The following DSC2 variants were observed in gnomAD, a reference collection of about 807,000 sequenced individuals.
The protein encoded by DSC2 is desmocollin-2.
In DSC2, 51 loss-of-function variants were observed where a neutral mutation model predicts 87.6. The observed-to-expected ratio is 0.58, with a 90% confidence interval of 0.46 to 0.74. The LOEUF is 0.74. Among genes scored for constraint, DSC2 ranks in the 30% least tolerant of loss-of-function variants. The pLI, the probability that DSC2 is intolerant of heterozygous loss-of-function variation, is 0.00. For synonymous variants in DSC2, 383 were observed against 393.2 expected (o/e 0.97, Z 0.31); for missense variants, 1,066 against 1,089.5 (o/e 0.98, Z 0.30).
rs1246739962 is a variant in DSC2, at chr18:31,065,187, A to G, written c.*2828T>C. On this transcript the variant is annotated 3_prime_UTR_variant, in exon 16 of 16. Coordinates refer to ENST00000280904, the MANE Select transcript of DSC2 (RefSeq NM_024422.6). Reference sequence around the variant, plus strand: ...ACAAATGAGAGACCTGGAAGCTACTATGAGCCATGAAATTCCCAAAGGCCA... The same window carrying G: ...ACAAATGAGAGACCTGGAAGCTACTGTGAGCCATGAAATTCCCAAAGGCCA... 4 of 152,244 alleles carry G rather than the reference A, an allele frequency of 2.6e-5. No homozygotes were observed. The highest frequency in any genetic ancestry group is 2.1e-4 in the South Asian group (1 of 4,834). The allele number at this position is 152,244 out of a possible 1,614,324, so 9.4% of individuals were successfully genotyped here.
chr18:31,090,687 C>T (rs943663287), intron 4 of DSC2, among the ~76,000 whole-genome samples: 3 of 152,178 alleles, frequency 2.0e-5, no homozygotes, highest in Non-Finnish European at 4.4e-5. Flanking sequence ...CTTCCTCCTT[C>T]GTGGCATTTG....
At position 31,082,397 on chromosome 18, in the gene DSC2, T is replaced by G; in HGVS notation, c.1104A>C (p.Thr368=). ...TSYVTSVEEN[T]VDVEILRVTV... ...TAACTCGTAAGATTTCCACATCAAC[T>G]GTATTTTCTTCCACTGATGTCACAT... is the stretch of plus-strand genomic sequence containing the variant. The change falls in exon 9 of 16, where the codon ACA becomes ACC. Residue 368 remains threonine (T), a synonymous_variant. Coordinates refer to ENST00000280904, the MANE Select transcript of DSC2 (RefSeq NM_024422.6). 1 of 1,613,656 alleles carries G rather than the reference T, an allele frequency of 6.2e-7. No homozygotes were observed. Among genetic ancestry groups the G allele is most frequent in the Non-Finnish European group, 8.5e-7 (1 of 1,179,972 alleles).
chr18:31,071,916 C>A, intron 12 of DSC2, 75 bp from the exon 13 acceptor site: 1 of 1,293,256 alleles, frequency 7.7e-7, no homozygotes, highest in South Asian at 1.2e-5. Context: ...AACTCATTAT[C>A]AGATAGTTAT....
rs931459882 is a variant in DSC2 at position 31,067,361 on chromosome 18, A to G, written c.*654T>C. On this transcript the variant is annotated 3_prime_UTR_variant, in exon 16 of 16. Transcript: ENST00000280904. Reference sequence around the variant, plus strand: ...CTTGCAGTAGTAAAAATACATTCTGAAAGTATTTTAAAACTTAAATTTCAC... The same window carrying G: ...CTTGCAGTAGTAAAAATACATTCTGGAAGTATTTTAAAACTTAAATTTCAC... The G allele has an allele frequency of 1.3e-5, 2 of 152,138 alleles. No homozygotes were observed. Among genetic ancestry groups the G allele is most frequent in the Non-Finnish European group, 2.9e-5 (2 of 68,018 alleles). 9.4% of individuals were successfully genotyped at this position (152,138 alleles called of 1,614,324 possible). A position where few individuals can be genotyped will look rare whatever the true frequency, so the allele number is the denominator to read the frequency against.
rs1378466340 is a variant in DSC2 at position 31,070,864 on chromosome 18, G to GA, written c.2126-15dup. 8.1e-6 allele frequency: 13 copies of GA among 1,613,080 alleles called. No homozygotes were observed. The highest frequency in any genetic ancestry group is 1.1e-5 in the Non-Finnish European group (13 of 1,179,408). Reference sequence around the variant, plus strand: ...TAAACAGGATGCCTGGAGGAAGAAAGAAATATACTTGAGTTTATCATAAAA... The same window carrying GA: ...TAAACAGGATGCCTGGAGGAAGAAAGAAAATATACTTGAGTTTATCATAAAA... On this transcript the variant is annotated splice_polypyrimidine_tract_variant and intron_variant, in intron 13 of 15. Transcript: ENST00000280904.
chr18:31,068,624 T>C (rs1425555309), intron 15 of DSC2, among the ~76,000 whole-genome samples: 1 of 152,118 alleles, frequency 6.6e-6, no homozygotes, highest in Admixed American at 6.6e-5. Flanking sequence ...AGTTGTCAGA[T>C]GGGAAATATT....
rs1174364797 is a variant in DSC2 at position 31,063,810 on chromosome 18, T to G, written c.*4205A>C. The G allele has an allele frequency of 6.6e-6, 1 of 152,242 alleles. No individual in the cohort carries two copies. Among genetic ancestry groups the G allele is most frequent in the East Asian group, 1.9e-4 (1 of 5,202 alleles). The allele number at this position is 152,242 out of a possible 1,614,324, so 9.4% of individuals were successfully genotyped here. ...GTTTTGATTTGTAATATTTTCAATT[T>G]ACCATGGGTTTATCAGGATGTAACC... On this transcript the variant is annotated 3_prime_UTR_variant, in exon 16 of 16. Coordinates refer to ENST00000280904, the MANE Select transcript of DSC2 (RefSeq NM_024422.6).
intron 11 of DSC2, among the ~76,000 whole-genome samples, chr18:31,075,857 A>G (rs1231993829): frequency 6.6e-6 from 1 of 151,932 alleles, no homozygotes; most frequent in Non-Finnish European, 1.5e-5. Context: ...TCTCAAAACG[A>G]AAAAAAGAAA....
At chr18:31,085,637 GTC>G (rs1439734594) in intron 7 of DSC2, among the ~76,000 whole-genome samples, 2 of 151,946 alleles carry the variant, frequency 1.3e-5, no homozygotes, top group Non-Finnish European at 2.9e-5. Flanking sequence ...TCAAGCATTG[GTC>G]TTGAGACCAA....
intron 9 of DSC2, among the ~76,000 whole-genome samples, chr18:31,081,548 A>C (rs1987219289): frequency 6.6e-6 from 1 of 152,218 alleles, no homozygotes; most frequent in African/African-American, 2.4e-5. Context: ...CATCATTGTA[A>C]GGAAAATGGA....
At chr18:31,080,484 T>G in intron 9 of DSC2, 132 bp from the exon 10 acceptor site, 1 of 1,081,468 alleles carries the variant, frequency 9.2e-7, no homozygotes, top group Non-Finnish European at 1.3e-6. Context: ...ATATGAAACA[T>G]ATATCCAGTG....
In DSC2 at chr18:31,086,654, C is replaced by T. The variant is rs374649849; in HGVS notation, c.864G>A (p.Val288=). The T allele has an allele frequency of 6.2e-7, 1 of 1,614,032 alleles. No homozygotes were observed. Among genetic ancestry groups the T allele is most frequent in the Admixed American group, 1.7e-5 (1 of 59,992 alleles). The part of the protein sequence containing the change: ...TRLKYSIIGQ[V]PPSPTLFSMH... ...TAGAAAATAGGGTGGGTGATGGTGG[C>T]ACCTGCCCAATGATGGAGTACTTCA... The change falls in exon 7 of 16, where the codon GTG becomes GTA. Residue 288 remains valine, a synonymous_variant. Coordinates refer to ENST00000280904, the MANE Select transcript of DSC2 (RefSeq NM_024422.6).
Position 31,074,863 on chromosome 18 carries a change from C to A in DSC2, c.1708G>T (p.Val570Leu). Residue 570 changes from valine to leucine, a missense_variant, in exon 12 of 16, where the codon GTG (valine) becomes TTG (leucine). By Grantham distance (32) the Val-to-Leu change is conservative. Transcript: ENST00000280904. Reference sequence around the variant, plus strand: ...GGTATGAATGGGCTGTTATCATTCACGTCTTGAAGTATAATGCCCAGTGTC... The same window carrying A: ...GGTATGAATGGGCTGTTATCATTCAAGTCTTGAAGTATAATGCCCAGTGTC... ...TGTLGIILQD[V>L]NDNSPFIPKK... 1 of 1,613,902 alleles carries A rather than the reference C, an allele frequency of 6.2e-7. No individual in the cohort carries two copies.
intron 1 of DSC2, among the ~76,000 whole-genome samples, chr18:31,100,189 C>G (rs1987892091): frequency 6.6e-6 from 1 of 152,176 alleles, no homozygotes; most frequent in Non-Finnish European, 1.5e-5. Flanking sequence ...GCAGGGCCAG[C>G]ATACTTCCTA....
In DSC2 at chr18:31,102,291, AC is replaced by A. The variant is rs1987995899; in HGVS notation, c.-321del. ...CGGGTGGGAACTCCCTCTCGCCGCC[AC>A]CCTTTTACCTGCGCAAGGTGTTTCT... On this transcript the variant is annotated 5_prime_UTR_variant, in exon 1 of 16. Coordinates refer to ENST00000280904, the MANE Select transcript of DSC2 (RefSeq NM_024422.6). 2.1e-5 allele frequency: 6 copies of A among 286,598 alleles called. No homozygotes were observed. The South Asian group carries it at 8.6e-4, about 41-fold the overall frequency. The allele number at this position is 286,598 out of a possible 1,614,324, so 17.8% of individuals were successfully genotyped here. A position where few individuals can be genotyped will look rare whatever the true frequency, so the allele number is the denominator to read the frequency against.
At chr18:31,074,936 T>TCA in intron 11 of DSC2, 29 bp from the exon 12 acceptor site, 1 of 1,581,716 alleles carries the variant, frequency 6.3e-7, no homozygotes, top group Non-Finnish European at 8.6e-7. Context: ...AAATAGTTTT[T>TCA]CTATGTTTTG....
rs924763781 is a variant in DSC2, at chr18:31,088,109, C to T, written c.631-296G>A. ...GTGTAACAATTTTTACTGTTATTTT[C>T]CCAAACAGCCTTGAAGACTTCTTTA... On this transcript the variant is annotated intron_variant, in intron 5 of 15. Transcript: ENST00000280904. 6.9e-4 allele frequency among the ~76,000 whole-genome samples: 105 copies of T among 152,032 alleles called. 1 individual carries two copies. The highest frequency in any genetic ancestry group is 2.5e-3 in the African/African-American group (102 of 41,386).
intron 1 of DSC2, among the ~76,000 whole-genome samples, chr18:31,096,348 T>C (rs766798482): frequency 2.6e-5 from 4 of 152,114 alleles, no homozygotes; most frequent in Admixed American, 6.5e-5. Flanking sequence ...TAAGAGGAAC[T>C]CAGGAACAAC....
At chr18:31,071,539 CAA>C in intron 13 of DSC2, 64 bp downstream of exon 13, 1 of 1,505,524 alleles carries the variant, frequency 6.6e-7, no homozygotes, top group Non-Finnish European at 9.2e-7. Flanking sequence ...TCTCAAAAAA[CAA>C]AAAGTGTCTT....
Sources: gnomAD v4.1 joint callset for allele counts (sites outside exome capture counted in the v4.1 genomes callset) on GRCh38, gnomAD v4.1.1 for gene constraint, MANE v1.5 for transcripts, NCBI Gene and HGNC (gene_info 2026-07-23, HGNC 2026-07-21) for gene names.